Variants in RYR2 observed in about 807,000 individuals in gnomAD.
RYR2 encodes cardiac muscle ryanodine receptor-calcium release channel.
Under a neutral mutation model 601.1 loss-of-function variants are expected in RYR2, and 227 were observed. That is an observed-to-expected ratio of 0.38 (90% CI 0.34 to 0.42). The LOEUF (loss-of-function observed/expected upper bound fraction) is 0.42. Ranked by LOEUF, RYR2 falls within the 10% of genes least tolerant of loss-of-function variation. The pLI is 1.00. For missense variants in RYR2, 4,646 were observed against 6,156.5 expected (o/e 0.75, Z 8.21); for synonymous variants, 2,223 against 2,175.1 (o/e 1.02, Z -0.61).
chr1:237,590,631 GT>G lies in RYR2; in HGVS notation c.3808-6del. On this transcript the variant is annotated splice_polypyrimidine_tract_variant and splice_region_variant and intron_variant, in intron 30 of 104. Transcript: ENST00000366574. The stretch of plus-strand genomic sequence containing the variant: ...TTGGAATGTGAACTATCGCTTCTTC[GT>G]TTGCTAGGTGACCAGAATAGACGGC... The G allele has an allele frequency of 6.7e-7, 1 of 1,497,190 alleles. No homozygotes were observed. Among genetic ancestry groups the G allele is most frequent in the South Asian group, 1.4e-5 (1 of 70,050 alleles). The allele number at this position is 1,497,190 out of a possible 1,614,324, so 92.7% of individuals were successfully genotyped here. A position where few individuals can be genotyped will look rare whatever the true frequency, so the allele number is the denominator to read the frequency against.
rs376463337 is a variant in RYR2 at position 237,483,998 on chromosome 1, TTGAC to T, written c.1709-7805_1709-7802del. 7.6e-4 allele frequency among the ~76,000 whole-genome samples: 116 copies of T among 152,282 alleles called. 2 individuals carry two copies. In the East Asian group the frequency reaches 0.019, roughly 24 times the overall value. The stretch of plus-strand genomic sequence containing the variant: ...TCTGCTGTGGACACCGCCAAACTGT[TTGAC>T]TGGCACTGTATCTCCACTGTTTCCT... On this transcript the variant is annotated intron_variant, in intron 17 of 104. Transcript: ENST00000366574.
intron 17 of RYR2, among the ~76,000 whole-genome samples, chr1:237,484,612 G>A (rs1662479602): frequency 6.6e-6 from 1 of 152,210 alleles, no homozygotes; most frequent in Admixed American, 6.5e-5. Context: ...CTCTTGCCCT[G>A]TGGCTTGTTT....
Position 237,650,062 on chromosome 1 carries a change from G to A in RYR2, c.7698G>A (p.Arg2566=). 1 of 1,613,944 alleles carries A rather than the reference G, an allele frequency of 6.2e-7. No homozygotes were observed. Among genetic ancestry groups the A allele is most frequent in the Non-Finnish European group, 8.5e-7 (1 of 1,179,870 alleles). The stretch of plus-strand genomic sequence containing the variant: ...GCTGTTCACTTACCAAAGCTCAGCG[G>A]GATTCCATAGAAGTTTGTTTACTCT... ...SKGCSLTKAQ[R]DSIEVCLLSI... is the part of the protein sequence containing the mutation. The change falls in exon 50 of 105, where the codon CGG becomes CGA. Residue 2566 remains arginine (R), a synonymous_variant. Transcript: ENST00000366574.
chr1:237,364,270 G>A (rs1700019528), intron 4 of RYR2, 88 bp from the exon 5 acceptor site: 3 of 1,194,502 alleles, frequency 2.5e-6, no homozygotes, highest in Admixed American at 2.2e-5. Flanking sequence ...TAGGATAACG[G>A]AGTCTTTATA....
intron 35 of RYR2, among the ~76,000 whole-genome samples, chr1:237,608,556 G>A (rs553870171): frequency 6.6e-6 from 1 of 152,198 alleles, no homozygotes; most frequent in South Asian, 2.1e-4. Flanking sequence ...AATTATTTTA[G>A]GCAGATGTGG....
At chr1:237,790,314 G>T (rs530562969) in intron 92 of RYR2, among the ~76,000 whole-genome samples, 2 of 151,986 alleles carry the variant, frequency 1.3e-5, no homozygotes, top group Non-Finnish European at 2.9e-5. Flanking sequence ...ATTCTCAGTT[G>T]TTCCAAATAC....
At chr1:237,660,654 C>T (rs539371644) in intron 55 of RYR2, among the ~76,000 whole-genome samples, 156 bp from the exon 56 acceptor site, 1 of 152,290 alleles carries the variant, frequency 6.6e-6, no homozygotes, top group Non-Finnish European at 1.5e-5. Context: ...TCACACTCTG[C>T]TTTTCAGAAT....
At chr1:237,115,435 C>G (rs764820231) in intron 1 of RYR2, among the ~76,000 whole-genome samples, 6 of 152,174 alleles carry the variant, frequency 3.9e-5, no homozygotes, top group Non-Finnish European at 7.3e-5. Flanking sequence ...CTTAAGAACC[C>G]CAGATCAGCT....
chr1:237,048,332 C>A (rs970165332), intron 1 of RYR2, among the ~76,000 whole-genome samples: 1 of 152,174 alleles, frequency 6.6e-6, no homozygotes, highest in Non-Finnish European at 1.5e-5. Context: ...CATAGCCCAT[C>A]GTGTTTCTCT....
intron 17 of RYR2, among the ~76,000 whole-genome samples, chr1:237,469,440 A>T (rs1032342445): frequency 6.6e-6 from 1 of 152,038 alleles, no homozygotes; most frequent in Non-Finnish European, 1.5e-5. Context: ...AAAAACAAAA[A>T]GAAAAAACTC....
chr1:237,323,172 A>AT (rs548608339), intron 2 of RYR2, among the ~76,000 whole-genome samples: 14 of 152,098 alleles, frequency 9.2e-5, no homozygotes, highest in Non-Finnish European at 1.6e-4. Context: ...TGAGATTGTG[A>AT]TTTTTTTTAT....
chr1:237,107,290 G>A (rs1219210055), intron 1 of RYR2, among the ~76,000 whole-genome samples: 7 of 151,632 alleles, frequency 4.6e-5, no homozygotes, highest in Non-Finnish European at 1.0e-4. Flanking sequence ...GGGAGGCTGA[G>A]GCGGGCGGAT....
chr1:237,456,487 G>A, intron 15 of RYR2, 113 bp from the exon 16 acceptor site: 2 of 1,154,258 alleles, frequency 1.7e-6, no homozygotes, highest in Non-Finnish European at 2.3e-6. Context: ...ATGATTAGTA[G>A]ATGAACCTTC....
intron 79 of RYR2, among the ~76,000 whole-genome samples, chr1:237,739,018 G>A (rs771143453): frequency 1.3e-5 from 2 of 152,108 alleles, no homozygotes; most frequent in Non-Finnish European, 2.9e-5. Context: ...GGTATGAAAT[G>A]GTATTTTGCT....
chr1:237,522,021 C>A (rs918171479), intron 24 of RYR2, among the ~76,000 whole-genome samples: 1 of 152,054 alleles, frequency 6.6e-6, no homozygotes, highest in Non-Finnish European at 1.5e-5. Context: ...ATGTGTACAA[C>A]GTGCAGGTTA....
chr1:237,752,894 C>G (rs940277657), intron 80 of RYR2, among the ~76,000 whole-genome samples: 1 of 152,158 alleles, frequency 6.6e-6, no homozygotes, highest in Non-Finnish European at 1.5e-5. Flanking sequence ...CTGGATATTT[C>G]TATTCTCTTA....
In RYR2 at chr1:237,614,862, T is replaced by C. The variant is rs1309980501; in HGVS notation, c.5715+19T>C. On this transcript the variant is annotated intron_variant, in intron 37 of 104. Coordinates refer to ENST00000366574, the MANE Select transcript of RYR2 (RefSeq NM_001035.3). This position sits in a 1 kb window ranked among gnomAD's most constrained non-coding sequence, Gnocchi z 4.3. Reference sequence around the variant, plus strand: ...ATTGCAGGTAATCAGAACAAGAGACTTGAGTGAATTTCAGAATTGCTAAGC... The same window carrying C: ...ATTGCAGGTAATCAGAACAAGAGACCTGAGTGAATTTCAGAATTGCTAAGC... The C allele has an allele frequency of 6.5e-7, 1 of 1,535,158 alleles. No individual in the cohort carries two copies. The highest frequency in any genetic ancestry group is 1.4e-5 in the African/African-American group (1 of 72,068).
At chr1:237,602,150 T>A (rs1268523356) in intron 35 of RYR2, 39 bp downstream of exon 35, 1 of 1,479,374 alleles carries the variant, frequency 6.8e-7, no homozygotes, top group South Asian at 1.2e-5. Flanking sequence ...TTGTATTTTT[T>A]CTATTAGGAT....
In RYR2 at chr1:237,240,678, A is replaced by AAC. The variant is rs1258240526; in HGVS notation, c.49-29818_49-29817insCA. ...CTCTATAAAAGCCAAAAAAAAAAAA[A>AAC]AAAAAAAAAAACAGTGGGTCAGACA... On this transcript the variant is annotated intron_variant, in intron 1 of 104. Transcript: ENST00000366574. Among the ~76,000 whole-genome samples, 379 of 148,168 alleles carry AAC rather than the reference A, an allele frequency of 2.6e-3. 5 individuals are homozygous for AAC. Among genetic ancestry groups the AAC allele is most frequent in the Admixed American group, 5.4e-3 (80 of 14,876 alleles).
Sources: allele counts gnomAD v4.1 joint callset (sites outside exome capture counted in the v4.1 genomes callset), GRCh38; gene constraint gnomAD v4.1.1; non-coding constraint Gnocchi (gnomAD v3.1); transcripts MANE v1.5; gene names NCBI Gene and HGNC (gene_info 2026-07-23, HGNC 2026-07-21).